AKAP8L: variants seen among roughly 807,000 people sequenced by gnomAD.
AKAP8L encodes the protein A-kinase anchoring protein 8 like, also known as A-kinase anchor protein 8-like.
Under a neutral mutation model 77.5 loss-of-function variants are expected in AKAP8L, and 34 were observed. That is an observed-to-expected ratio of 0.44 (90% CI 0.33 to 0.58). AKAP8L has a LOEUF of 0.58. Among genes scored for constraint, AKAP8L ranks in the 20% least tolerant of loss-of-function variants. AKAP8L has a pLI of 0.02. For synonymous variants in AKAP8L, 342 were observed against 340.7 expected, an observed-to-expected ratio of 1.00 and a Z score of -0.04; for missense variants, 806 against 887.6, an observed-to-expected ratio of 0.91 and a Z score of 1.17.
At chr19:15,387,423 A>G (rs959576147) in intron 12 of AKAP8L, among the ~76,000 whole-genome samples, 11 of 152,214 alleles carry the variant, frequency 7.2e-5, no homozygotes, top group Non-Finnish European at 5.9e-5. Context: ...GGAGGAAAAA[A>G]ATTAAAAGGA....
chr19:15,401,684 C>T lies in AKAP8L; in HGVS notation c.363-81G>A. ...GGCAACTGCTCCTGCCCTCCCCAAT[C>T]TCCCAGTCCAGCACCCACCCTGCCC... On this transcript the variant is annotated intron_variant, in intron 4 of 13. Coordinates refer to ENST00000397410, the MANE Select transcript of AKAP8L (RefSeq NM_014371.4). This position sits in a 1 kb window ranked among gnomAD's most constrained non-coding sequence, Gnocchi z 6.2. 2.6e-6 allele frequency: 3 copies of T among 1,175,022 alleles called. No individual in the cohort carries two copies. The South Asian group carries it at 4.5e-5, about 18-fold the overall frequency. 72.8% of individuals were successfully genotyped at this position (1,175,022 alleles called of 1,614,324 possible).
In AKAP8L at chr19:15,401,156, G is replaced by C. The variant is rs779908685; in HGVS notation, c.810C>G (p.Asp270Glu). The C allele has an allele frequency of 1.5e-5, 24 of 1,605,776 alleles. No homozygotes were observed. Among genetic ancestry groups the C allele is most frequent in the Non-Finnish European group, 2.0e-5 (24 of 1,177,102 alleles). Residue 270 changes from aspartate to glutamate, a missense_variant, in exon 5 of 14, where the codon GAC (aspartate) becomes GAG (glutamate). Transcript: ENST00000397410. The surrounding 1 kb of genome is among the most constrained non-coding windows in gnomAD (Gnocchi z 6.2). ...RRTWKTWTTA[D>E]FRTKKKKRKQ... ...GAAGGCTGCCTCCACTCACTCGGAA[G>C]TCGGCTGTGGTCCAGGTCTTCCAGG...
intron 12 of AKAP8L, among the ~76,000 whole-genome samples, chr19:15,385,450 G>C (rs1462826315): frequency 6.6e-6 from 1 of 152,064 alleles, no homozygotes; most frequent in Non-Finnish European, 1.5e-5. Context: ...CAAAGTGCTG[G>C]GATTACAGGC....
At chr19:15,414,779 C>T (rs1384663929) in intron 1 of AKAP8L, among the ~76,000 whole-genome samples, 4 of 152,038 alleles carry the variant, frequency 2.6e-5, no homozygotes, top group Non-Finnish European at 2.9e-5. Flanking sequence ...TGAGCCACCA[C>T]GCCTAGCCCA....
chr19:15,389,765 G>A (rs369717616), intron 12 of AKAP8L, among the ~76,000 whole-genome samples: 3 of 152,060 alleles, frequency 2.0e-5, no homozygotes, highest in East Asian at 3.9e-4. Flanking sequence ...CCAAGACTCC[G>A]TCTCAAGAAA....
Position 15,401,180 on chromosome 19 carries a change from G to A in AKAP8L, c.786C>T (p.Thr262=). The change falls in exon 5 of 14, where the codon ACC becomes ACT. Residue 262 remains threonine (T), a synonymous_variant. Coordinates refer to ENST00000397410, the MANE Select transcript of AKAP8L (RefSeq NM_014371.4). The surrounding 1 kb of genome is among the most constrained non-coding windows in gnomAD (Gnocchi z 6.2). ...FGNGMKQMRR[T]WKTWTTADFR... is the part of the protein sequence containing the mutation. ...AGTCGGCTGTGGTCCAGGTCTTCCA[G>A]GTCCGCCTCATCTGCTTCATGCCAT... 1.9e-6 allele frequency: 3 copies of A among 1,608,738 alleles called. No individual in the cohort carries two copies. Among genetic ancestry groups the A allele is most frequent in the Non-Finnish European group, 2.5e-6 (3 of 1,177,754 alleles).
In AKAP8L at chr19:15,398,901, G is replaced by C; in HGVS notation, c.1157+401C>G. The C allele has an allele frequency of 1.3e-6, 1 of 761,476 alleles. No homozygotes were observed. Among genetic ancestry groups the C allele is most frequent in the Non-Finnish European group, 1.7e-6 (1 of 591,578 alleles). 47.2% of individuals were successfully genotyped at this position (761,476 alleles called of 1,614,324 possible). Reference sequence around the variant, plus strand: ...CCACAGGTGCTGCCATCTCTCCTGGGCACGGCGGTGGCCTCTTGGCAGCTA... The same window carrying C: ...CCACAGGTGCTGCCATCTCTCCTGGCCACGGCGGTGGCCTCTTGGCAGCTA... On this transcript the variant is annotated intron_variant, in intron 9 of 13. Coordinates refer to ENST00000397410, the MANE Select transcript of AKAP8L (RefSeq NM_014371.4). This position sits in a 1 kb window ranked among gnomAD's most constrained non-coding sequence, Gnocchi z 9.2.
Position 15,401,273 on chromosome 19 carries a change from G to A in AKAP8L, c.693C>T (p.Gly231=). ...CCCCACCTCGCATGCCCTGGAACATGCCGTACTCGGGGATGATGTTCTGGG... is the reference window on the plus strand; with the variant it reads ...CCCCACCTCGCATGCCCTGGAACATACCGTACTCGGGGATGATGTTCTGGG... ...LFSQNIIPEY[G]MFQGMRGGGA... is the part of the protein sequence containing the mutation. Residue 231 remains glycine, a synonymous_variant, in exon 5 of 14, where the codon GGC becomes GGT. Coordinates refer to ENST00000397410, the MANE Select transcript of AKAP8L (RefSeq NM_014371.4). The surrounding 1 kb of genome is among the most constrained non-coding windows in gnomAD (Gnocchi z 6.2). 6.2e-7 allele frequency: 1 copy of A among 1,613,842 alleles called. No individual in the cohort carries two copies. The highest frequency in any genetic ancestry group is 2.2e-5 in the East Asian group (1 of 44,884).
chr19:15,413,604 T>C (rs1968147195), intron 1 of AKAP8L, among the ~76,000 whole-genome samples: 2 of 152,226 alleles, frequency 1.3e-5, no homozygotes, highest in African/African-American at 2.4e-5. Context: ...TGTTGATTAA[T>C]AGCTGTCCAT....
intron 2 of AKAP8L, among the ~76,000 whole-genome samples, chr19:15,406,258 C>T (rs1162219279): frequency 6.6e-5 from 10 of 151,750 alleles, no homozygotes; most frequent in Non-Finnish European, 2.9e-5. Flanking sequence ...TTCATCTAGA[C>T]TGGCGTTTAG....
chr19:15,380,435 G>T lies in AKAP8L; in HGVS notation c.1633-5C>A, dbSNP rs774616750. 1 of 1,608,086 alleles carries T rather than the reference G, an allele frequency of 6.2e-7. No individual in the cohort carries two copies. Among genetic ancestry groups the T allele is most frequent in the South Asian group, 1.1e-5 (1 of 90,294 alleles). On this transcript the variant is annotated splice_polypyrimidine_tract_variant and splice_region_variant and intron_variant, in intron 13 of 13. Coordinates refer to ENST00000397410, the MANE Select transcript of AKAP8L (RefSeq NM_014371.4). ...GTCGGTGAAAGGGTTCTCGCCCTGT[G>T]GGGAGGGGCGCGGACACTGAAGGGA...
At chr19:15,393,135 T>C (rs1397570742) in intron 12 of AKAP8L, among the ~76,000 whole-genome samples, 1 of 151,922 alleles carries the variant, frequency 6.6e-6, no homozygotes, top group African/African-American at 2.4e-5. Context: ...CAACTTAATA[T>C]CTAGATGCAA....
intron 12 of AKAP8L, among the ~76,000 whole-genome samples, chr19:15,381,348 C>T (rs55908872): frequency 3.9e-5 from 6 of 152,188 alleles, no homozygotes; most frequent in African/African-American, 1.4e-4. Flanking sequence ...CCCTTCAAAT[C>T]GGGCTCATCT....
chr19:15,403,497 C>A lies in AKAP8L; in HGVS notation c.340G>T (p.Val114Leu), dbSNP rs757362319. ...HLETDMMQGG[V>L]YGSGGERYDS... Reference sequence around the variant, plus strand: ...CACCTTTCTCCACCTGAGCCGTACACGCCTCCTTGCATCATGTCTGTCTCC... The same window carrying A: ...CACCTTTCTCCACCTGAGCCGTACAAGCCTCCTTGCATCATGTCTGTCTCC... Residue 114 changes from valine (V) to leucine (L), a missense_variant, in exon 4 of 14, where the codon GTG becomes TTG. This residue lies in a region of AKAP8L where 580 missense variants were observed against 694.1 expected (regional missense o/e 0.84). Transcript: ENST00000397410. This position sits in a 1 kb window ranked among gnomAD's most constrained non-coding sequence, Gnocchi z 4.3. 3 of 1,613,982 alleles carry A rather than the reference C, an allele frequency of 1.9e-6. No individual in the cohort carries two copies. The highest frequency in any genetic ancestry group is 3.3e-5 in the Admixed American group (2 of 60,016).
Position 15,399,803 on chromosome 19 carries a change from G to A in AKAP8L, c.1049-393C>T. The A allele has an allele frequency of 3.1e-6, 1 of 324,314 alleles. No homozygotes were observed. The highest frequency in any genetic ancestry group is 5.8e-6 in the Non-Finnish European group (1 of 171,038). The allele number at this position is 324,314 out of a possible 1,614,324, so 20.1% of individuals were successfully genotyped here. A position where few individuals can be genotyped will look rare whatever the true frequency, so the allele number is the denominator to read the frequency against. ...CCCAACCGGGCACCGCGGCAACAGTGGGCTGACGCTGGATTTGCTGTTAGG... is the reference window on the plus strand; with the variant it reads ...CCCAACCGGGCACCGCGGCAACAGTAGGCTGACGCTGGATTTGCTGTTAGG... On this transcript the variant is annotated intron_variant, in intron 8 of 13. Coordinates refer to ENST00000397410, the MANE Select transcript of AKAP8L (RefSeq NM_014371.4). This position sits in a 1 kb window ranked among gnomAD's most constrained non-coding sequence, Gnocchi z 6.1.
intron 12 of AKAP8L, among the ~76,000 whole-genome samples, chr19:15,393,088 A>G (rs1967697850): frequency 6.6e-6 from 1 of 152,014 alleles, no homozygotes; most frequent in Non-Finnish European, 1.5e-5. Flanking sequence ...TGGGGGGAAA[A>G]CAGTCTCTTT....
chr19:15,406,166 C>T (rs1178777481), intron 2 of AKAP8L, among the ~76,000 whole-genome samples: 1 of 152,120 alleles, frequency 6.6e-6, no homozygotes, highest in Non-Finnish European at 1.5e-5. Context: ...CAGGCAAACA[C>T]TCACTACATG....
At chr19:15,409,243 G>A (rs1283141843) in intron 2 of AKAP8L, among the ~76,000 whole-genome samples, 1 of 152,178 alleles carries the variant, frequency 6.6e-6, no homozygotes, top group Non-Finnish European at 1.5e-5. Flanking sequence ...TTTGTAAATG[G>A]CATATCCGAG....
chr19:15,380,554 T>C lies in AKAP8L; in HGVS notation c.1595A>G (p.Asn532Ser). Residue 532 changes from asparagine to serine, a missense_variant, in exon 13 of 14, where the codon AAC becomes AGC. Asn to Ser is a conservative substitution (Grantham distance 46, BLOSUM62 1). Transcript: ENST00000397410. ...SLMVARSILN[N>S]KLISKKLERY... is the part of the protein sequence containing the mutation. ...CTCCAGCTTCTTGCTGATGAGCTTG[T>C]TGTTGAGAATACTGCGGGCCACCAT... 2 of 1,613,890 alleles carry C rather than the reference T, an allele frequency of 1.2e-6. No individual in the cohort carries two copies. Among genetic ancestry groups the C allele is most frequent in the Non-Finnish European group, 1.7e-6 (2 of 1,179,874 alleles).
Sources: gnomAD v4.1 joint callset for allele counts (sites outside exome capture counted in the v4.1 genomes callset) on GRCh38, gnomAD v4.1.1 for gene constraint, gnomAD v4.1.1 regional missense constraint, Gnocchi (gnomAD v3.1) non-coding constraint, MANE v1.5 for transcripts, NCBI Gene and HGNC (gene_info 2026-07-23, HGNC 2026-07-21) for gene names.